Variants in CRB1 observed in about 807,000 individuals in gnomAD.
CRB1 encodes the protein crumbs cell polarity complex component 1, also known as protein crumbs homolog 1.
A neutral mutation model predicts 120.0 loss-of-function variants in CRB1; 83 were observed. The ratio of observed to expected loss-of-function variants is 0.69; its 90% confidence interval spans 0.58 to 0.83. The LOEUF (loss-of-function observed/expected upper bound fraction) is 0.83, where lower values mean the gene tolerates loss of function less well. CRB1 is among the 40% of genes least tolerant of loss of function. The pLI, the probability that CRB1 is intolerant of heterozygous loss-of-function variation, is 0.00. For missense variants in CRB1, 1,699 were observed against 1,687.6 expected, an observed-to-expected ratio of 1.01 and a Z score of -0.12; for synonymous variants, 625 against 612.5, an observed-to-expected ratio of 1.02 and a Z score of -0.30.
At chr1:197,351,129 G>A (rs1055013454) in intron 4 of CRB1, among the ~76,000 whole-genome samples, 6 of 148,638 alleles carry the variant, frequency 4.0e-5, no homozygotes, top group African/African-American at 1.5e-4. Context: ...ATCACTTGAG[G>A]TCAGGAGTTT....
Position 197,269,933 on chromosome 1 carries a change from T to C in CRB1, c.70+1451T>C, listed in dbSNP as rs369069225. Among the ~76,000 whole-genome samples the C allele has an allele frequency of 3.2e-4, 48 of 152,350 alleles. No homozygotes were observed. The East Asian group carries it at 8.5e-3, about 27-fold the overall frequency. ...TTTATTTGTTCTCCAGCATAGTATT[T>C]TTATTCGTTTAAAAAAGTACATTTG... On this transcript the variant is annotated intron_variant, in intron 1 of 11. Transcript: ENST00000367400.
intron 5 of CRB1, among the ~76,000 whole-genome samples, chr1:197,412,065 A>G (rs915063595): frequency 1.1e-4 from 17 of 152,248 alleles, no homozygotes; most frequent in Admixed American, 9.8e-4. Context: ...GTGTGAAAGA[A>G]TATATTTGAC....
At chr1:197,354,488 G>A (rs1170936126) in intron 4 of CRB1, among the ~76,000 whole-genome samples, 1 of 152,066 alleles carries the variant, frequency 6.6e-6, no homozygotes, top group Admixed American at 6.5e-5. Context: ...TCTTCTTTCT[G>A]GTGGGTTCGT....
the CRB1 span, among the ~76,000 whole-genome samples, chr1:197,210,859 A>C: frequency 6.6e-6 from 1 of 152,148 alleles, no homozygotes; most frequent in Admixed American, 6.5e-5. Context: ...ATCTCTTTCC[A>C]GTGTCTTCCT....
intron 5 of CRB1, among the ~76,000 whole-genome samples, chr1:197,371,082 A>G (rs994883052): frequency 7.9e-5 from 12 of 152,112 alleles, no homozygotes; most frequent in Admixed American, 7.9e-4. Flanking sequence ...TTTTCCGTTG[A>G]GCCTAGTCTG....
chr1:197,217,794 T>C, the CRB1 span, among the ~76,000 whole-genome samples: 4 of 152,194 alleles, frequency 2.6e-5, no homozygotes, highest in African/African-American at 9.7e-5. Flanking sequence ...TTGCACGTAT[T>C]AAAATGGTGA....
In CRB1 at chr1:197,268,347, G is replaced by A. The variant is rs1654711810; in HGVS notation, c.-66G>A. 1.7e-6 allele frequency: 2 copies of A among 1,175,898 alleles called. No homozygotes were observed. Among genetic ancestry groups the A allele is most frequent in the Admixed American group, 1.7e-5 (1 of 59,356 alleles). The allele number at this position is 1,175,898 out of a possible 1,614,324, so 72.8% of individuals were successfully genotyped here. On this transcript the variant is annotated 5_prime_UTR_variant, in exon 1 of 12. Coordinates refer to ENST00000367400, the MANE Select transcript of CRB1 (RefSeq NM_201253.3). Reference sequence around the variant, plus strand: ...ACCCGCTCCTCTCTGAGACAGACAGGGATCAGGAGCCGGACTGGGACCAGA... The same window carrying A: ...ACCCGCTCCTCTCTGAGACAGACAGAGATCAGGAGCCGGACTGGGACCAGA...
chr1:197,379,181 A>G (rs1012789176), intron 5 of CRB1, among the ~76,000 whole-genome samples: 1 of 152,348 alleles, frequency 6.6e-6, no homozygotes, highest in Non-Finnish European at 1.5e-5. Context: ...TCAAACTCTG[A>G]AGATCAATGT....
intron 1 of CRB1, among the ~76,000 whole-genome samples, chr1:197,298,842 T>C (rs1239326949): frequency 1.3e-5 from 2 of 152,086 alleles, no homozygotes; most frequent in African/African-American, 4.8e-5. Context: ...ATAGAGTTGA[T>C]CTTCTTCTCA....
At chr1:197,203,180 C>T in the CRB1 span, among the ~76,000 whole-genome samples, 2 of 151,996 alleles carry the variant, frequency 1.3e-5, no homozygotes, top group Non-Finnish European at 2.9e-5. Context: ...TTAAAAATCT[C>T]AAGCAAGGAT....
At chr1:197,374,251 CA>C (rs1661526927) in intron 5 of CRB1, among the ~76,000 whole-genome samples, 1 of 152,032 alleles carries the variant, frequency 6.6e-6, no homozygotes. Context: ...CAACAGCCAC[CA>C]GAAAACCATA....
chr1:197,322,202 C>T (rs2125292436), intron 1 of CRB1, among the ~76,000 whole-genome samples: 1 of 152,170 alleles, frequency 6.6e-6, no homozygotes, highest in South Asian at 2.1e-4. Context: ...TTACACTGGC[C>T]AGGTACGGTG....
intron 1 of CRB1, among the ~76,000 whole-genome samples, chr1:197,314,011 A>G (rs571636863): frequency 8.5e-5 from 13 of 152,346 alleles, no homozygotes; most frequent in Admixed American, 1.3e-4. Flanking sequence ...CGCCTGGCTA[A>G]GATTTGCTAA....
At chr1:197,428,221 T>C (rs1186261074) in intron 7 of CRB1, among the ~76,000 whole-genome samples, 1 of 152,178 alleles carries the variant, frequency 6.6e-6, no homozygotes, top group Non-Finnish European at 1.5e-5. Flanking sequence ...TCTATTTAAC[T>C]AACCAAAGTA....
chr1:197,387,452 T>C (rs1662274549), intron 5 of CRB1, among the ~76,000 whole-genome samples: 1 of 152,118 alleles, frequency 6.6e-6, no homozygotes, highest in East Asian at 1.9e-4. Context: ...GATTTTTGTA[T>C]ATCTTTTTAA....
chr1:197,370,075 T>C (rs1346162022), intron 5 of CRB1, among the ~76,000 whole-genome samples: 1 of 152,074 alleles, frequency 6.6e-6, no homozygotes, highest in Non-Finnish European at 1.5e-5. Context: ...AAAGACACAA[T>C]CTTTTTCAGA....
At chr1:197,475,689 C>CAAGA (rs1235882795) in intron 11 of CRB1, among the ~76,000 whole-genome samples, 2 of 152,128 alleles carry the variant, frequency 1.3e-5, no homozygotes, top group Non-Finnish European at 2.9e-5. Flanking sequence ...CATTTCTTAA[C>CAAGA]AAGACCCTTC....
At chr1:197,415,270 C>T (rs557771187) in intron 5 of CRB1, among the ~76,000 whole-genome samples, 2 of 152,312 alleles carry the variant, frequency 1.3e-5, no homozygotes, top group South Asian at 2.1e-4. Context: ...GTTTTAATAG[C>T]TGCCTAGTTG....
chr1:197,381,656 A>C (rs1661963096), intron 5 of CRB1, among the ~76,000 whole-genome samples: 1 of 152,226 alleles, frequency 6.6e-6, no homozygotes, highest in Admixed American at 6.5e-5. Flanking sequence ...AAGACACAAG[A>C]GGTTACACAT....
Sources: allele counts gnomAD v4.1 joint callset (sites outside exome capture counted in the v4.1 genomes callset), GRCh38; gene constraint gnomAD v4.1.1; transcripts MANE v1.5; gene names NCBI Gene and HGNC (gene_info 2026-07-23, HGNC 2026-07-21).